NCAPH: variants seen among roughly 807,000 people sequenced by gnomAD.
The protein encoded by NCAPH is condensin complex subunit 2.
NCAPH carries 38 observed loss-of-function variants against 85.5 expected under a neutral mutation model. The observed-to-expected ratio is 0.44, with a 90% CI of 0.34 to 0.58. The LOEUF (loss-of-function observed/expected upper bound fraction) is 0.58. Among genes scored for constraint, NCAPH ranks in the 20% least tolerant of loss-of-function variants. NCAPH has a pLI of 0.01. For missense variants in NCAPH, 789 were observed against 916.6 expected, an observed-to-expected ratio of 0.86 and a Z score of 1.80; for synonymous variants, 301 against 335.1, an observed-to-expected ratio of 0.90 and a Z score of 1.11.
intron 17 of NCAPH, among the ~76,000 whole-genome samples, chr2:96,371,792 C>A (rs1558805517): frequency 6.6e-6 from 1 of 152,200 alleles, no homozygotes; most frequent in Non-Finnish European, 1.5e-5. Flanking sequence ...TTAGAGCCAC[C>A]AAGAGAAATA....
chr2:96,339,618 C>T (rs934856712), intron 1 of NCAPH, among the ~76,000 whole-genome samples: 1 of 151,390 alleles, frequency 6.6e-6, no homozygotes, highest in African/African-American at 2.4e-5. Context: ...AAGAGAAGTC[C>T]TTGAACACCT....
intron 17 of NCAPH, among the ~76,000 whole-genome samples, chr2:96,370,217 A>G (rs1024510247): frequency 6.6e-6 from 1 of 152,206 alleles, no homozygotes; most frequent in Non-Finnish European, 1.5e-5. Flanking sequence ...AGCCTTTGGC[A>G]CGTGCAGTAG....
chr2:96,366,901 G>C (rs1201209000), intron 14 of NCAPH, among the ~76,000 whole-genome samples: 1 of 116,660 alleles, frequency 8.6e-6, no homozygotes, highest in East Asian at 2.4e-4. Flanking sequence ...AAAAAAAAAA[G>C]AGTTTGAGAC....
chr2:96,338,263 A>AAG (rs1553445128), intron 1 of NCAPH, among the ~76,000 whole-genome samples: 1 of 147,094 alleles, frequency 6.8e-6, no homozygotes. Flanking sequence ...AAAAAAAAAA[A>AAG]GCAAACAAAA....
At chr2:96,337,814 G>A (rs941687388) in intron 1 of NCAPH, among the ~76,000 whole-genome samples, 1 of 152,104 alleles carries the variant, frequency 6.6e-6, no homozygotes, top group Admixed American at 6.5e-5. Context: ...CTTGCTGAGC[G>A]CAAGCAGGCT....
intron 13 of NCAPH, 128 bp downstream of exon 13, chr2:96,364,719 T>G (rs1184678281): frequency 1.5e-6 from 1 of 679,262 alleles, no homozygotes; most frequent in African/African-American, 1.8e-5. Context: ...GTTTTCTGGG[T>G]AAAGGGTCTG....
chr2:96,366,109 T>G, intron 14 of NCAPH, 51 bp downstream of exon 14: 1 of 1,581,270 alleles, frequency 6.3e-7, no homozygotes, highest in Non-Finnish European at 8.7e-7. Flanking sequence ...ATCTATTTAA[T>G]TGTCTCTTAT....
chr2:96,353,287 A>C lies in NCAPH; in HGVS notation c.911-19A>C. On this transcript the variant is annotated intron_variant, in intron 7 of 17. Transcript: ENST00000240423. ...GACCCCCTTCTAATCTCTCTTTGTG[A>C]TCTTGCTATCCTCTCCAGCGCCCTT... 6.2e-7 allele frequency: 1 copy of C among 1,608,372 alleles called. No individual in the cohort carries two copies. The highest frequency in any genetic ancestry group is 8.5e-7 in the Non-Finnish European group (1 of 1,174,952).
At chr2:96,343,631 A>G (rs1232689912) in intron 5 of NCAPH, among the ~76,000 whole-genome samples, 3 of 152,130 alleles carry the variant, frequency 2.0e-5, no homozygotes, top group Non-Finnish European at 2.9e-5. Flanking sequence ...TGGTTTCTCC[A>G]TAAGTTGCAG....
chr2:96,341,255 G>A (rs2064290716), intron 1 of NCAPH: 1 of 178,092 alleles, frequency 5.6e-6, no homozygotes. Context: ...TAACTCTATA[G>A]CCCATACCTC....
intron 9 of NCAPH, among the ~76,000 whole-genome samples, chr2:96,358,131 A>G (rs1297347709): frequency 2.0e-5 from 3 of 152,212 alleles, no homozygotes; most frequent in Non-Finnish European, 4.4e-5. Flanking sequence ...AAATGTAGAA[A>G]GAGTGAAAAA....
At chr2:96,340,383 CTTT>C (rs908160989) in intron 1 of NCAPH, among the ~76,000 whole-genome samples, 1 of 91,240 alleles carries the variant, frequency 1.1e-5, no homozygotes, top group Admixed American at 1.3e-4. Flanking sequence ...TAATAAGCAT[CTTT>C]TTTTTTTTTT....
intron 1 of NCAPH, 74 bp downstream of exon 1, chr2:96,335,922 G>A (rs2064206301): frequency 2.2e-6 from 3 of 1,372,670 alleles, no homozygotes; most frequent in East Asian, 3.1e-5. Context: ...CAGGGCTGGC[G>A]GGCTGGCCTG....
Position 96,352,026 on chromosome 2 carries a change from T to TA in NCAPH, c.910+7dup. On this transcript the variant is annotated splice_region_variant and intron_variant, in intron 7 of 17. Coordinates refer to ENST00000240423, the MANE Select transcript of NCAPH (RefSeq NM_015341.5). ...AGAAATGACAGATTTAAAAGGTAAG[T>TA]ACAAGTGATGCCTTTCACCAGAGCA... 6.2e-7 allele frequency: 1 copy of TA among 1,603,336 alleles called. No homozygotes were observed. The highest frequency in any genetic ancestry group is 8.5e-7 in the Non-Finnish European group (1 of 1,174,274).
chr2:96,372,606 C>T (rs1055504553), intron 17 of NCAPH, among the ~76,000 whole-genome samples: 1 of 151,742 alleles, frequency 6.6e-6, no homozygotes, highest in African/African-American at 2.4e-5. Flanking sequence ...GGATCTGAAC[C>T]GTCCCTGTGT....
chr2:96,349,332 T>G lies in NCAPH; in HGVS notation c.721-2499T>G, dbSNP rs564430649. On this transcript the variant is annotated intron_variant, in intron 6 of 17. Coordinates refer to ENST00000240423, the MANE Select transcript of NCAPH (RefSeq NM_015341.5). ...ATGGAAGATAAAAAAGAGGGATGGATTGTCACAAACAGAATTTAAAGCTTC... is the reference window on the plus strand; with the variant it reads ...ATGGAAGATAAAAAAGAGGGATGGAGTGTCACAAACAGAATTTAAAGCTTC... Among the ~76,000 whole-genome samples the G allele has an allele frequency of 1.7e-4, 26 of 152,278 alleles. No individual in the cohort carries two copies. In the South Asian group the frequency reaches 5.4e-3, roughly 32 times the overall value.
intron 9 of NCAPH, among the ~76,000 whole-genome samples, chr2:96,357,837 C>G (rs1401029677): frequency 2.0e-5 from 3 of 152,068 alleles, no homozygotes; most frequent in Non-Finnish European, 4.4e-5. Context: ...TAAACGGGAA[C>G]TATATGTAGG....
In NCAPH at chr2:96,352,029, A is replaced by G; in HGVS notation, c.910+9A>G. 4 of 1,600,108 alleles carry G rather than the reference A, an allele frequency of 2.5e-6. No individual in the cohort carries two copies. Among genetic ancestry groups the G allele is most frequent in the Non-Finnish European group, 3.4e-6 (4 of 1,172,530 alleles). On this transcript the variant is annotated intron_variant, in intron 7 of 17. Transcript: ENST00000240423. Reference sequence around the variant, plus strand: ...AATGACAGATTTAAAAGGTAAGTACAAGTGATGCCTTTCACCAGAGCATTT... The same window carrying G: ...AATGACAGATTTAAAAGGTAAGTACGAGTGATGCCTTTCACCAGAGCATTT...
intron 6 of NCAPH, among the ~76,000 whole-genome samples, chr2:96,350,958 G>T (rs2064432948): frequency 6.6e-6 from 1 of 152,182 alleles, no homozygotes; most frequent in South Asian, 2.1e-4. Flanking sequence ...TATGCCCAGT[G>T]CCTGTTTTTG....
Sources: allele counts gnomAD v4.1 joint callset (sites outside exome capture counted in the v4.1 genomes callset), GRCh38; gene constraint gnomAD v4.1.1; transcripts MANE v1.5; gene names NCBI Gene and HGNC (gene_info 2026-07-23, HGNC 2026-07-21).